Variants in ATOSA observed in about 807,000 individuals in gnomAD.
ATOSA encodes the protein atos homolog protein A.
the ATOSA span, chr15:52,600,109 A>C: frequency 1.5e-6 from 2 of 1,356,972 alleles, no homozygotes; most frequent in Non-Finnish European, 2.1e-6. Flanking sequence ...TTTAAAGAAC[A>C]GTTTCAAAGC....
the ATOSA span, among the ~76,000 whole-genome samples, chr15:52,676,438 T>A: frequency 6.6e-6 from 1 of 152,130 alleles, no homozygotes; most frequent in Admixed American, 6.6e-5. Flanking sequence ...TAAGGGTAAG[T>A]ACGTTTGTGA....
At chr15:52,620,350 C>T in the ATOSA span, among the ~76,000 whole-genome samples, 3 of 152,110 alleles carry the variant, frequency 2.0e-5, no homozygotes, top group African/African-American at 7.2e-5. Flanking sequence ...TCCAGAAAAA[C>T]CACAGGAGAG....
At chr15:52,658,546 C>A in the ATOSA span, 1 of 388,754 alleles carries the variant, frequency 2.6e-6, no homozygotes, top group Non-Finnish European at 4.5e-6. Flanking sequence ...CTGAGTGCCT[C>A]AATTGAAGCT....
chr15:52,651,974 A>G, the ATOSA span: 1 of 1,533,490 alleles, frequency 6.5e-7, no homozygotes, highest in Non-Finnish European at 8.7e-7. Context: ...TAACTGAGGG[A>G]TCCAGATGTC....
the ATOSA span, among the ~76,000 whole-genome samples, chr15:52,666,396 T>C: frequency 6.6e-6 from 1 of 152,216 alleles, no homozygotes; most frequent in East Asian, 1.9e-4. Context: ...GCACAATACC[T>C]GATAAGTAAA....
chr15:52,584,849 T>C, the ATOSA span: 13 of 1,613,476 alleles, frequency 8.1e-6, no homozygotes, highest in Admixed American at 1.7e-5. Context: ...AAAAAGTTCT[T>C]TGTCGTAGGA....
At chr15:52,649,133 C>T in the ATOSA span, among the ~76,000 whole-genome samples, 1 of 152,116 alleles carries the variant, frequency 6.6e-6, no homozygotes. Context: ...AAAAGCAATA[C>T]AGTTTATGCA....
the ATOSA span, among the ~76,000 whole-genome samples, chr15:52,616,463 G>A: frequency 6.6e-6 from 1 of 152,190 alleles, no homozygotes; most frequent in Non-Finnish European, 1.5e-5. Context: ...GTTGGAAGTG[G>A]TGGTTCATGC....
chr15:52,589,218 C>T, the ATOSA span, among the ~76,000 whole-genome samples: 7 of 152,318 alleles, frequency 4.6e-5, no homozygotes, highest in East Asian at 7.7e-4. Flanking sequence ...ATCTGCCCTA[C>T]GTGCCTAATG....
the ATOSA span, chr15:52,584,986 T>TA: frequency 1.3e-6 from 2 of 1,482,754 alleles, no homozygotes; most frequent in Non-Finnish European, 1.8e-6. Flanking sequence ...AAATAGTGAT[T>TA]TGTTGATGTG....
At chr15:52,645,462 A>ATAAC in the ATOSA span, among the ~76,000 whole-genome samples, 9 of 151,886 alleles carry the variant, frequency 5.9e-5, 1 homozygote, top group East Asian at 1.5e-3. Flanking sequence ...AAATAAATAA[A>ATAAC]TAATTTTTTA....
chr15:52,672,753 C>T, the ATOSA span, among the ~76,000 whole-genome samples: 1 of 152,180 alleles, frequency 6.6e-6, no homozygotes, highest in Non-Finnish European at 1.5e-5. Flanking sequence ...TACACATTTG[C>T]CTTTCAGTTC....
chr15:52,636,920 G>A, the ATOSA span, among the ~76,000 whole-genome samples: 1 of 152,158 alleles, frequency 6.6e-6, no homozygotes, highest in Non-Finnish European at 1.5e-5. Flanking sequence ...GGGGATGCAT[G>A]CTCAGATTAA....
At chr15:52,608,479 T>G in the ATOSA span, 1 of 1,310,282 alleles carries the variant, frequency 7.6e-7, no homozygotes, top group African/African-American at 1.5e-5. Context: ...AATGGAACCT[T>G]GGGCCTTTAT....
the ATOSA span, among the ~76,000 whole-genome samples, chr15:52,588,741 C>T: frequency 5.3e-5 from 8 of 152,208 alleles, no homozygotes; most frequent in African/African-American, 1.9e-4. Flanking sequence ...CGTGAGCCAT[C>T]GTGCCCAGGC....
the ATOSA span, among the ~76,000 whole-genome samples, chr15:52,585,612 A>G: frequency 4.6e-5 from 7 of 152,242 alleles, no homozygotes; most frequent in African/African-American, 1.2e-4. Context: ...CAAAATTTGT[A>G]GCAACACTAG....
the ATOSA span, among the ~76,000 whole-genome samples, chr15:52,662,370 T>C: frequency 6.6e-6 from 1 of 152,152 alleles, no homozygotes; most frequent in African/African-American, 2.4e-5. Flanking sequence ...GAATGAAAAA[T>C]GGAATCTCCA....
At chr15:52,668,784 C>T in the ATOSA span, among the ~76,000 whole-genome samples, 2 of 136,530 alleles carry the variant, frequency 1.5e-5, no homozygotes, top group Admixed American at 1.5e-4. Flanking sequence ...GTCTATCTAG[C>T]CCACCCACCC....
chr15:52,640,978 G>A, the ATOSA span, among the ~76,000 whole-genome samples: 1 of 152,044 alleles, frequency 6.6e-6, no homozygotes, highest in Non-Finnish European at 1.5e-5. Flanking sequence ...TCAGTATGTC[G>A]AAGAGATACC....
Sources: gnomAD v4.1 joint callset for allele counts (sites outside exome capture counted in the v4.1 genomes callset) on GRCh38, gnomAD v4.1.1 for gene constraint, MANE v1.5 for transcripts, NCBI Gene and HGNC (gene_info 2026-07-23, HGNC 2026-07-21) for gene names.